Variants in ABCB7 observed in about 807,000 individuals in gnomAD.
ABCB7 encodes ATP binding cassette subfamily B member 7.
ABCB7 carries 7 observed loss-of-function variants against 54.4 expected under a neutral mutation model. The ratio of observed to expected loss-of-function variants is 0.13; its 90% confidence interval spans 0.07 to 0.24. The LOEUF (loss-of-function observed/expected upper bound fraction) is 0.24, where lower values mean the gene tolerates loss of function less well. Among genes scored for constraint, ABCB7 ranks in the 10% least tolerant of loss-of-function variants. The pLI is 1.00. For missense variants in ABCB7, 356 were observed against 570.4 expected, an observed-to-expected ratio of 0.62 and a Z score of 3.83; for synonymous variants, 218 against 207.1, an observed-to-expected ratio of 1.05 and a Z score of -0.45.
intron 15 of ABCB7, among the ~76,000 whole-genome samples, chrX:75,056,669 G>A (rs980608105): frequency 1.8e-5 from 2 of 111,473 alleles, no homozygotes; most frequent in Non-Finnish European, 3.8e-5. Flanking sequence ...AGTGAATAGA[G>A]TTGGGACATT....
chrX:75,085,966 C>T (rs2081494088), intron 4 of ABCB7, among the ~76,000 whole-genome samples: 1 of 109,406 alleles, frequency 9.1e-6, no homozygotes, highest in Non-Finnish European at 1.9e-5. Context: ...CATGCCTCAG[C>T]CTCCCGAGTA....
chrX:75,117,329 G>T lies in ABCB7; in HGVS notation c.169-2498C>A, dbSNP rs767261578. The stretch of plus-strand genomic sequence containing the variant: ...AGACCACCGAAGGGACTATACTAAA[G>T]AAACCCGACCCAAAGGAAAATCACC... On this transcript the variant is annotated intron_variant, in intron 1 of 15. Transcript: ENST00000373394. Among the ~76,000 whole-genome samples the T allele has an allele frequency of 7.2e-5, 8 of 110,920 alleles. No homozygotes were observed. In the East Asian group the frequency reaches 2.3e-3, roughly 32 times the overall value.
intron 3 of ABCB7, among the ~76,000 whole-genome samples, chrX:75,104,050 T>G (rs867360489): frequency 6.8e-5 from 2 of 29,620 alleles, no homozygotes; most frequent in Non-Finnish European, 1.7e-4. Context: ...TGTTACAGTT[T>G]TTTTTTTTTT....
At chrX:75,153,860 T>C (rs1045942251) in intron 1 of ABCB7, among the ~76,000 whole-genome samples, 1 of 107,096 alleles carries the variant, frequency 9.3e-6, no homozygotes, top group African/African-American at 3.4e-5. Flanking sequence ...CTATTTTCTT[T>C]ATATTCTACT....
chrX:75,118,641 TGACA>T (rs1460119017), intron 1 of ABCB7, among the ~76,000 whole-genome samples: 2 of 111,195 alleles, frequency 1.8e-5, no homozygotes, highest in Middle Eastern at 8.4e-3. Flanking sequence ...TTTGGGGGGG[TGACA>T]GAAATTAATT....
Position 75,070,570 on chromosome X carries a change from C to T in ABCB7, c.1208-48G>A, listed in dbSNP as rs1437007625. On this transcript the variant is annotated intron_variant, in intron 9 of 15. Transcript: ENST00000373394. ...GGGTATTTTAGATAAATGTTACATACTTTTCCAATTTACGATAGGTTTATA... is the reference window on the plus strand; with the variant it reads ...GGGTATTTTAGATAAATGTTACATATTTTTCCAATTTACGATAGGTTTATA... 4 of 1,141,903 alleles carry T rather than the reference C, an allele frequency of 3.5e-6. No homozygotes were observed. The South Asian group carries it at 5.4e-5, about 15-fold the overall frequency. The allele number at this position is 1,141,903 out of a possible 1,213,427, so 94.1% of individuals were successfully genotyped here.
At chrX:75,091,213 C>G (rs1396616747) in intron 4 of ABCB7, among the ~76,000 whole-genome samples, 1 of 110,727 alleles carries the variant, frequency 9.0e-6, no homozygotes, top group Non-Finnish European at 1.9e-5. Flanking sequence ...CAAAATATTA[C>G]CAAATCATAC....
intron 1 of ABCB7, among the ~76,000 whole-genome samples, chrX:75,117,399 C>T (rs750585093): frequency 1.8e-5 from 2 of 110,755 alleles, no homozygotes; most frequent in African/African-American, 6.6e-5. Flanking sequence ...GGTGCATATA[C>T]GCAGGTAAAG....
intron 4 of ABCB7, among the ~76,000 whole-genome samples, chrX:75,088,334 G>T (rs1395061399): frequency 8.9e-6 from 1 of 112,590 alleles, no homozygotes; most frequent in African/African-American, 3.2e-5. Context: ...GTAAACATCG[G>T]AACCAGACTC....
chrX:75,078,659 G>C (rs754073762), intron 4 of ABCB7, among the ~76,000 whole-genome samples: 1 of 111,870 alleles, frequency 8.9e-6, no homozygotes, highest in South Asian at 3.8e-4. Flanking sequence ...GTATAGTTGA[G>C]GAACCTCAGG....
chrX:75,133,682 A>G (rs1003920340), intron 1 of ABCB7, among the ~76,000 whole-genome samples: 1 of 112,386 alleles, frequency 8.9e-6, no homozygotes, highest in Non-Finnish European at 1.9e-5. Context: ...TATATTCAGC[A>G]TCTTTAAAGA....
chrX:75,094,525 C>G (rs2081574592), intron 4 of ABCB7, among the ~76,000 whole-genome samples: 1 of 110,660 alleles, frequency 9.0e-6, no homozygotes, highest in African/African-American at 3.3e-5. Context: ...CCAGCCTGAC[C>G]AATATGATAA....
chrX:75,109,767 T>G (rs765330481), intron 3 of ABCB7, among the ~76,000 whole-genome samples: 2 of 111,778 alleles, frequency 1.8e-5, no homozygotes, highest in Non-Finnish European at 3.8e-5. Flanking sequence ...AGAAGAAAAT[T>G]TGGAAGTGTC....
chrX:75,139,851 T>C (rs1469763124), intron 1 of ABCB7, among the ~76,000 whole-genome samples: 1 of 111,961 alleles, frequency 8.9e-6, no homozygotes, highest in Non-Finnish European at 1.9e-5. Flanking sequence ...ACAAAAGTTC[T>C]GCGTATTTTA....
At chrX:75,100,159 A>G (rs2081628200) in intron 3 of ABCB7, among the ~76,000 whole-genome samples, 1 of 110,588 alleles carries the variant, frequency 9.0e-6, no homozygotes, top group African/African-American at 3.3e-5. Context: ...ATTTCTTTCC[A>G]TTTCTAACCA....
chrX:75,096,240 T>C (rs996329199), intron 4 of ABCB7, among the ~76,000 whole-genome samples: 4 of 112,337 alleles, frequency 3.6e-5, no homozygotes, highest in South Asian at 3.7e-4. Context: ...ATTTGTAATA[T>C]TGTTCTCTCT....
rs757074347 is a variant in ABCB7, at chrX:75,104,047, GTTTTTTTTTTTTTTTT to G, written c.334-5002_334-4987del. 4.8e-3 allele frequency among the ~76,000 whole-genome samples: 64 copies of G among 13,445 alleles called. 3 individuals are homozygous for G. The East Asian group carries it at 0.12, about 24-fold the overall frequency. The allele number at this position is 13,445 out of a possible 115,157, so 11.7% of individuals were successfully genotyped here. A position where few individuals can be genotyped will look rare whatever the true frequency, so the allele number is the denominator to read the frequency against. ...AAATGGGCATCCCTGTCTTGTTACAGTTTTTTTTTTTTTTTTTTTTTTTTTTTTTTTTTTTTTTGTG... is the reference window on the plus strand; with the variant it reads ...AAATGGGCATCCCTGTCTTGTTACAGTTTTTTTTTTTTTTTTTTTTTTGTG... On this transcript the variant is annotated intron_variant, in intron 3 of 15. Transcript: ENST00000373394.
rs183308063 is a variant in ABCB7, at chrX:75,115,589, C to T, written c.169-758G>A. 1.8e-4 allele frequency among the ~76,000 whole-genome samples: 19 copies of T among 108,057 alleles called. No homozygotes were observed. In the East Asian group the frequency reaches 4.9e-3, roughly 28 times the overall value. 93.8% of individuals were successfully genotyped at this position (108,057 alleles called of 115,157 possible). A position where few individuals can be genotyped will look rare whatever the true frequency, so the allele number is the denominator to read the frequency against. ...TTTCTGTGCCTTCTTTCGTCTTAAT[C>T]GGAATGCTAAATTTATATACTGGTC... On this transcript the variant is annotated intron_variant, in intron 1 of 15. Transcript: ENST00000373394.
intron 1 of ABCB7, among the ~76,000 whole-genome samples, chrX:75,152,510 C>CTAT (rs911236866): frequency 1.8e-5 from 2 of 112,101 alleles, no homozygotes; most frequent in African/African-American, 6.5e-5. Context: ...CCCAAACAGA[C>CTAT]TAAGATAGAC....
Sources: allele counts gnomAD v4.1 joint callset (sites outside exome capture counted in the v4.1 genomes callset), GRCh38; gene constraint gnomAD v4.1.1; transcripts MANE v1.5; gene names NCBI Gene and HGNC (gene_info 2026-07-23, HGNC 2026-07-21).